SEMA5A: variants seen among roughly 807,000 people sequenced by gnomAD.
SEMA5A encodes the protein semaphorin-5A.
Under a neutral mutation model 135.5 loss-of-function variants are expected in SEMA5A, and 55 were observed. The observed-to-expected ratio is 0.41, with a 90% CI of 0.33 to 0.51. SEMA5A has a LOEUF of 0.51. SEMA5A is among the 20% of genes least tolerant of loss of function. The pLI, the probability that SEMA5A is intolerant of heterozygous loss-of-function variation, is 0.37. For missense variants in SEMA5A, 1,290 were observed against 1,419.9 expected, an observed-to-expected ratio of 0.91 and a Z score of 1.47; for synonymous variants, 580 against 546.5, an observed-to-expected ratio of 1.06 and a Z score of -0.85.
At chr5:9,254,574 C>T (rs1259721069) in intron 5 of SEMA5A, among the ~76,000 whole-genome samples, 1 of 152,088 alleles carries the variant, frequency 6.6e-6, no homozygotes, top group Non-Finnish European at 1.5e-5. Flanking sequence ...GCTGGAAAAA[C>T]AGGAAAGGTC....
At chr5:9,086,951 T>C (rs1738729652) in intron 16 of SEMA5A, among the ~76,000 whole-genome samples, 1 of 152,242 alleles carries the variant, frequency 6.6e-6, no homozygotes, top group Non-Finnish European at 1.5e-5. Flanking sequence ...TTGATTGTTT[T>C]TTTAACTTAA....
At chr5:9,241,196 T>C (rs534491136) in intron 5 of SEMA5A, among the ~76,000 whole-genome samples, 1 of 152,220 alleles carries the variant, frequency 6.6e-6, no homozygotes, top group Non-Finnish European at 1.5e-5. Flanking sequence ...CAGTAAGTTT[T>C]TTTCTGTAAA....
chr5:9,089,379 T>C (rs1738908658), intron 16 of SEMA5A, among the ~76,000 whole-genome samples: 1 of 152,174 alleles, frequency 6.6e-6, no homozygotes, highest in Non-Finnish European at 1.5e-5. Flanking sequence ...GAGGTAAAGA[T>C]CAATCTGCTA....
intron 11 of SEMA5A, among the ~76,000 whole-genome samples, chr5:9,161,049 T>C (rs991246825): frequency 1.3e-5 from 2 of 152,150 alleles, no homozygotes; most frequent in African/African-American, 4.8e-5. Context: ...CAGGAAAACG[T>C]GTTCATGTCC....
intron 1 of SEMA5A, among the ~76,000 whole-genome samples, chr5:9,516,222 T>A (rs189952876): frequency 1.1e-4 from 16 of 152,074 alleles, no homozygotes; most frequent in African/African-American, 3.1e-4. Context: ...TCTGCACACG[T>A]ATACACCACA....
chr5:9,108,328 G>A, intron 15 of SEMA5A, 41 bp from the exon 16 acceptor site: 1 of 1,607,372 alleles, frequency 6.2e-7, no homozygotes, highest in Non-Finnish European at 8.5e-7. Context: ...ACTAATTAGT[G>A]CCACTTGAAA....
chr5:9,422,670 T>G (rs1284727922), intron 2 of SEMA5A, among the ~76,000 whole-genome samples: 1 of 152,162 alleles, frequency 6.6e-6, no homozygotes, highest in Non-Finnish European at 1.5e-5. Flanking sequence ...GTCACAGGCT[T>G]TTTTGTTAGG....
At chr5:9,195,340 T>C (rs1745330968) in intron 10 of SEMA5A, among the ~76,000 whole-genome samples, 1 of 152,126 alleles carries the variant, frequency 6.6e-6, no homozygotes, top group South Asian at 2.1e-4. Context: ...TAATTTTTTT[T>C]ATTATTATTT....
In SEMA5A at chr5:9,400,700, G is replaced by T. The variant is rs1170557404; in HGVS notation, c.-77-20677C>A. ...TTTTTGTATTTTTAGTAGAGACGGG[G>T]TTTCACCATTTTAGCCGGGATGGTC... On this transcript the variant is annotated intron_variant, in intron 2 of 22. Transcript: ENST00000382496. Among the ~76,000 whole-genome samples, 2 of 55,096 alleles carry T rather than the reference G, an allele frequency of 3.6e-5. 1 individual carries two copies. Among genetic ancestry groups the T allele is most frequent in the African/African-American group, 1.7e-4 (2 of 11,558 alleles). 36.1% of individuals were successfully genotyped at this position (55,096 alleles called of 152,430 possible). A position where few individuals can be genotyped will look rare whatever the true frequency, so the allele number is the denominator to read the frequency against.
At chr5:9,289,319 A>T (rs1750955615) in intron 5 of SEMA5A, among the ~76,000 whole-genome samples, 1 of 152,258 alleles carries the variant, frequency 6.6e-6, no homozygotes, top group Non-Finnish European at 1.5e-5. Flanking sequence ...AATTTATGAT[A>T]GAATGAATTA....
chr5:9,104,457 C>T (rs534827554), intron 16 of SEMA5A, among the ~76,000 whole-genome samples: 15 of 152,260 alleles, frequency 9.9e-5, no homozygotes, highest in African/African-American at 3.4e-4. Context: ...CTTCATCCAA[C>T]AACAATTGTT....
intron 15 of SEMA5A, among the ~76,000 whole-genome samples, chr5:9,113,051 T>A (rs1028383959): frequency 6.6e-6 from 1 of 152,188 alleles, no homozygotes. Context: ...AGGCAGGTCT[T>A]TCTCTAGCTG....
chr5:9,101,169 C>T (rs889552149), intron 16 of SEMA5A, among the ~76,000 whole-genome samples: 2 of 152,210 alleles, frequency 1.3e-5, no homozygotes, highest in African/African-American at 4.8e-5. Flanking sequence ...TAGCTAGATA[C>T]AACAAACTTC....
chr5:9,524,071 C>T (rs4702630), intron 1 of SEMA5A, among the ~76,000 whole-genome samples: 4,848 of 152,208 alleles, frequency 0.032, 129 homozygotes, highest in Non-Finnish European at 0.048. Flanking sequence ...AATGGTTTAG[C>T]ACCATCCCCC....
chr5:9,251,682 A>T (rs1457148805), intron 5 of SEMA5A, among the ~76,000 whole-genome samples: 2 of 152,218 alleles, frequency 1.3e-5, no homozygotes, highest in Non-Finnish European at 2.9e-5. Flanking sequence ...ATAGAGGAGC[A>T]AAGCAAAAAC....
At chr5:9,342,421 C>T (rs1456680590) in intron 3 of SEMA5A, among the ~76,000 whole-genome samples, 1 of 152,166 alleles carries the variant, frequency 6.6e-6, no homozygotes, top group Non-Finnish European at 1.5e-5. Flanking sequence ...ATTCCTCACA[C>T]CTTCAAACTT....
chr5:9,177,609 G>A (rs911026713), intron 11 of SEMA5A, among the ~76,000 whole-genome samples: 4 of 152,136 alleles, frequency 2.6e-5, no homozygotes, highest in African/African-American at 7.2e-5. Context: ...TGAGTTCCAC[G>A]CAGGTCCTGA....
intron 11 of SEMA5A, among the ~76,000 whole-genome samples, chr5:9,186,174 A>T (rs1227846399): frequency 6.6e-6 from 1 of 152,180 alleles, no homozygotes; most frequent in African/African-American, 2.4e-5. Flanking sequence ...CATGATTCAG[A>T]TAACATGCCT....
intron 8 of SEMA5A, among the ~76,000 whole-genome samples, chr5:9,212,398 G>T (rs1746389870): frequency 6.6e-6 from 1 of 152,172 alleles, no homozygotes; most frequent in South Asian, 2.1e-4. Context: ...ACATAAGTTT[G>T]TTTTAAGAGC....
Sources: allele counts gnomAD v4.1 joint callset (sites outside exome capture counted in the v4.1 genomes callset), GRCh38; gene constraint gnomAD v4.1.1; transcripts MANE v1.5; gene names NCBI Gene and HGNC (gene_info 2026-07-23, HGNC 2026-07-21).